The following RBFOX1 variants were observed in gnomAD, a reference collection of about 807,000 sequenced individuals.
RBFOX1 encodes RNA binding fox-1 homolog 1.
Under a neutral mutation model 57.7 loss-of-function variants are expected in RBFOX1, and 8 were observed. The ratio of observed to expected loss-of-function variants is 0.14; its 90% CI spans 0.08 to 0.25. The LOEUF is 0.25. Among genes scored for constraint, RBFOX1 ranks in the 10% least tolerant of loss-of-function variants. RBFOX1 has a pLI of 1.00. For missense variants in RBFOX1, 611 were observed against 548.5 expected (o/e 1.11, Z -1.14); for synonymous variants, 326 against 222.4 (o/e 1.47, Z -4.15).
intron 3 of RBFOX1, among the ~76,000 whole-genome samples, chr16:7,013,875 C>A (rs978046931): frequency 6.6e-6 from 1 of 152,144 alleles, no homozygotes; most frequent in Non-Finnish European, 1.5e-5. Flanking sequence ...CCAGGTCATT[C>A]TTGAGCTCTT....
intron 1 of RBFOX1, among the ~76,000 whole-genome samples, chr16:6,271,911 A>G (rs1313922035): frequency 6.6e-6 from 1 of 152,180 alleles, no homozygotes; most frequent in African/African-American, 2.4e-5. Context: ...CCTCTTCCAG[A>G]AAACAGGAGA....
At chr16:5,440,497 C>G (rs79247332) in intron 1 of RBFOX1, among the ~76,000 whole-genome samples, 1 of 152,296 alleles carries the variant, frequency 6.6e-6, no homozygotes, top group Non-Finnish European at 1.5e-5. Context: ...TTTTGACTTG[C>G]ATTGGAGTTT....
At chr16:6,931,171 G>C (rs754406790) in intron 3 of RBFOX1, among the ~76,000 whole-genome samples, 2 of 151,740 alleles carry the variant, frequency 1.3e-5, no homozygotes, top group Non-Finnish European at 2.9e-5. Flanking sequence ...TTCTTTACTA[G>C]TAATGCGCTG....
chr16:6,910,151 G>C (rs759853984), intron 3 of RBFOX1, among the ~76,000 whole-genome samples: 2 of 151,974 alleles, frequency 1.3e-5, no homozygotes, highest in Non-Finnish European at 2.9e-5. Context: ...GCGGGGCTTT[G>C]ATGGAACTCT....
rs767594978 is a variant in RBFOX1, at chr16:6,276,709, C to T, written c.-126-40286C>T. Among the ~76,000 whole-genome samples the T allele has an allele frequency of 2.6e-5, 4 of 151,698 alleles. 1 individual carries two copies. The East Asian group carries it at 5.9e-4, about 22-fold the overall frequency. ...ATTGACTGGTTATGCAGATACTGGTCGCATTAAGTTCCCAAGAAGTTCTCC... is the reference window on the plus strand; with the variant it reads ...ATTGACTGGTTATGCAGATACTGGTTGCATTAAGTTCCCAAGAAGTTCTCC... On this transcript the variant is annotated intron_variant, in intron 1 of 15. Transcript: ENST00000550418.
intron 2 of RBFOX1, among the ~76,000 whole-genome samples, chr16:5,557,937 C>G (rs1416412651): frequency 2.0e-5 from 3 of 152,162 alleles, no homozygotes; most frequent in East Asian, 3.9e-4. Context: ...AACAACGTGG[C>G]AGAGAAAGAG....
chr16:6,489,109 A>T (rs751687528), intron 2 of RBFOX1, among the ~76,000 whole-genome samples: 1 of 151,968 alleles, frequency 6.6e-6, no homozygotes, highest in Admixed American at 6.6e-5. Flanking sequence ...AAAGTGCCCT[A>T]TTTTTTTCCA....
intron 3 of RBFOX1, among the ~76,000 whole-genome samples, chr16:6,955,057 C>G (rs1008147266): frequency 8.8e-5 from 12 of 136,988 alleles, no homozygotes; most frequent in Admixed American, 6.7e-4. Flanking sequence ...ACTGGGAAAC[C>G]CCATCTCTAC....
intron 3 of RBFOX1, among the ~76,000 whole-genome samples, chr16:7,005,750 C>G (rs1337255701): frequency 1.3e-5 from 2 of 152,322 alleles, no homozygotes; most frequent in East Asian, 3.9e-4. Flanking sequence ...TGTCTGAACT[C>G]AGTCCAAAAC....
chr16:6,828,013 A>G (rs1032231550), intron 3 of RBFOX1, among the ~76,000 whole-genome samples: 1 of 152,208 alleles, frequency 6.6e-6, no homozygotes, highest in African/African-American at 2.4e-5. Context: ...ATTTTTCCCC[A>G]GCACAGAGCT....
chr16:7,044,518 A>G (rs1162037083), intron 3 of RBFOX1, among the ~76,000 whole-genome samples: 1 of 152,146 alleles, frequency 6.6e-6, no homozygotes, highest in African/African-American at 2.4e-5. Context: ...GGGAGAGCAA[A>G]GGGTCTCATG....
In RBFOX1 at chr16:6,835,568, A is replaced by C. The variant is rs144535452; in HGVS notation, c.-16+180918A>C. 3.3e-3 allele frequency among the ~76,000 whole-genome samples: 499 copies of C among 151,856 alleles called. 1 individual carries two copies. Among genetic ancestry groups the C allele is most frequent in the Middle Eastern group, 6.8e-3 (2 of 292 alleles). The stretch of plus-strand genomic sequence containing the variant: ...GGAGTTTGAGACCAGCCTGGTCAAC[A>C]TGGTAAAACCCCATCTCTACCAAAA... On this transcript the variant is annotated intron_variant, in intron 3 of 15. Coordinates refer to ENST00000550418, the MANE Select transcript of RBFOX1 (RefSeq NM_018723.4).
chr16:7,599,940 CCTTTT>C (rs896838302), intron 9 of RBFOX1, among the ~76,000 whole-genome samples: 4 of 151,976 alleles, frequency 2.6e-5, no homozygotes, highest in African/African-American at 9.7e-5. Flanking sequence ...TCTGGCCTAG[CCTTTT>C]CTTTTTGTTA....
intron 3 of RBFOX1, among the ~76,000 whole-genome samples, chr16:6,790,897 T>C (rs1341309861): frequency 6.6e-6 from 1 of 151,972 alleles, no homozygotes; most frequent in Non-Finnish European, 1.5e-5. Context: ...GTGTGGTTTA[T>C]TTTTTCCTGT....
At chr16:7,247,636 G>C (rs1245234622) in intron 4 of RBFOX1, among the ~76,000 whole-genome samples, 1 of 152,214 alleles carries the variant, frequency 6.6e-6, no homozygotes, top group Non-Finnish European at 1.5e-5. Flanking sequence ...GGAATGCCGT[G>C]ATTTTAAGAA....
intron 1 of RBFOX1, among the ~76,000 whole-genome samples, chr16:6,020,454 C>T (rs956906581): frequency 6.6e-5 from 10 of 152,082 alleles, no homozygotes; most frequent in African/African-American, 2.4e-4. Flanking sequence ...TTAGGTGCCC[C>T]GAACCCCTTG....
At chr16:5,276,917 T>G (rs1244457851) in intron 1 of RBFOX1, among the ~76,000 whole-genome samples, 1 of 152,194 alleles carries the variant, frequency 6.6e-6, no homozygotes, top group East Asian at 1.9e-4. Context: ...ACATCTACCA[T>G]TTGATCCAGC....
chr16:6,521,659 T>G (rs1162068768), intron 2 of RBFOX1, among the ~76,000 whole-genome samples: 1 of 152,056 alleles, frequency 6.6e-6, no homozygotes, highest in South Asian at 2.1e-4. Flanking sequence ...TAGGCTAGCT[T>G]AGGAATTCTG....
intron 3 of RBFOX1, among the ~76,000 whole-genome samples, chr16:6,812,834 C>T (rs1358610631): frequency 6.6e-6 from 1 of 152,126 alleles, no homozygotes; most frequent in African/African-American, 2.4e-5. Context: ...ACAGCAGTAC[C>T]ATAGAAGATG....
Sources: gnomAD v4.1 joint callset for allele counts (sites outside exome capture counted in the v4.1 genomes callset) on GRCh38, gnomAD v4.1.1 for gene constraint, MANE v1.5 for transcripts, NCBI Gene and HGNC (gene_info 2026-07-23, HGNC 2026-07-21) for gene names.